The following TMEM230 variants were observed in gnomAD, a reference collection of about 807,000 sequenced individuals.
The protein encoded by TMEM230 is UPF0414 transmembrane protein C20orf30.
A neutral mutation model predicts 15.8 loss-of-function variants in TMEM230; 10 were observed. The observed-to-expected ratio is 0.63, with a 90% CI of 0.39 to 1.07. The LOEUF (loss-of-function observed/expected upper bound fraction) is 1.07, where lower values mean the gene tolerates loss of function less well. Ranked by LOEUF, TMEM230 falls within the 50% of genes least tolerant of loss-of-function variation. TMEM230 has a pLI of 0.01. For synonymous variants in TMEM230, 67 were observed against 76.9 expected (o/e 0.87, Z 0.68); for missense variants, 165 against 193.3 (o/e 0.85, Z 0.87).
intron 3 of TMEM230, among the ~76,000 whole-genome samples, chr20:5,080,513 A>G (rs565031099): frequency 6.6e-6 from 1 of 152,128 alleles, no homozygotes; most frequent in Non-Finnish European, 1.5e-5. Context: ...ATGACACAGC[A>G]GAATGTAGAA....
At chr20:5,104,665 A>G (rs913537151) in intron 4 of TMEM230, among the ~76,000 whole-genome samples, 4 of 152,228 alleles carry the variant, frequency 2.6e-5, no homozygotes, top group African/African-American at 9.6e-5. Context: ...TATGGTACAT[A>G]TATGCAATGG....
chr20:5,111,869 C>T (rs931626972), intron 1 of TMEM230: 2 of 814,010 alleles, frequency 2.5e-6, no homozygotes. Context: ...TTTTTTGAGA[C>T]GGAGTCTCGC....
intron 3 of TMEM230, 60 bp from the exon 3 acceptor site, chr20:5,106,370 C>T: frequency 6.6e-7 from 1 of 1,524,910 alleles, no homozygotes; most frequent in African/African-American, 1.4e-5. Context: ...TACCTGGGTT[C>T]AAACATTTAA....
At chr20:5,084,675 A>G (rs544733709) in intron 3 of TMEM230, among the ~76,000 whole-genome samples, 11 of 152,324 alleles carry the variant, frequency 7.2e-5, no homozygotes, top group African/African-American at 2.4e-4. Context: ...CTGGAACTAC[A>G]GGCGTGTGCC....
chr20:5,107,739 A>C (rs2090151664), intron 3 of TMEM230, among the ~76,000 whole-genome samples: 1 of 151,666 alleles, frequency 6.6e-6, no homozygotes, highest in South Asian at 2.1e-4. Flanking sequence ...ACTTGAGCCC[A>C]GAAGGTCAAG....
chr20:5,082,234 TTCTCTCTCTC>T (rs59648052), intron 3 of TMEM230, among the ~76,000 whole-genome samples: 70,424 of 148,862 alleles, frequency 0.47, 17,869 homozygotes, highest in East Asian at 0.84. Context: ...CTCTCTCTCT[TTCTCTCTCTC>T]TCTCTCTCTT....
At chr20:5,098,443 G>A (rs1292571679), downstream of TMEM230, 1 of 152,192 alleles carries the variant, frequency 6.6e-6, no homozygotes, top group Non-Finnish European at 1.5e-5. Context: ...GATCAGATGA[G>A]GTCGGGAGCA....
At chr20:5,094,540 C>CTACT (rs1177400786) in intron 3 of TMEM230, among the ~76,000 whole-genome samples, 4 of 151,542 alleles carry the variant, frequency 2.6e-5, no homozygotes, top group Non-Finnish European at 4.4e-5. Context: ...AACCCCATCT[C>CTACT]TACTAAAAAT....
chr20:5,064,381 A>C (rs762406149), downstream of TMEM230, among the ~76,000 whole-genome samples: 52 of 152,052 alleles, frequency 3.4e-4, no homozygotes, highest in Non-Finnish European at 4.6e-4. Flanking sequence ...GTTCAAGACC[A>C]GCCTGACCAA....
intron 4 of TMEM230, 107 bp from the exon 4 acceptor site, chr20:5,101,038 T>C (rs1448659172): frequency 1.4e-5 from 19 of 1,331,534 alleles, no homozygotes; most frequent in Non-Finnish European, 1.8e-5. Flanking sequence ...TCTTCAGTAC[T>C]TTTTCTTTGA....
At chr20:5,108,421 A>C (rs79554457) in intron 3 of TMEM230, among the ~76,000 whole-genome samples, 1 of 92,638 alleles carries the variant, frequency 1.1e-5, no homozygotes, top group African/African-American at 8.9e-5. Flanking sequence ...CTCCGTCTCC[A>C]AAAAAAAAAA....
chr20:5,105,115 T>C lies in TMEM230; in HGVS notation c.411+1073A>G, dbSNP rs148487923. 1.8e-3 allele frequency among the ~76,000 whole-genome samples: 270 copies of C among 152,144 alleles called. 1 individual carries two copies. The highest frequency in any genetic ancestry group is 6.3e-3 in the African/African-American group (263 of 41,526). ...GCCTGGCCAACATGGCAAAAACCCA[T>C]CTCTACTAAAAATACAAAAATAAGC... On this transcript the variant is annotated intron_variant, in intron 4 of 4. Coordinates refer to ENST00000342308, the MANE Select transcript of TMEM230 (RefSeq NM_001009923.2).
downstream of TMEM230, among the ~76,000 whole-genome samples, chr20:5,066,598 G>A (rs147338506): frequency 0.016 from 2,474 of 151,850 alleles, 32 homozygotes; most frequent in Non-Finnish European, 0.026. Context: ...CTTGAACCCG[G>A]GGGGCAGAGG....
intron 3 of TMEM230, among the ~76,000 whole-genome samples, chr20:5,088,087 T>C (rs531966118): frequency 1.0e-4 from 15 of 149,624 alleles, no homozygotes; most frequent in African/African-American, 3.2e-4. Context: ...GGTGGGCGGA[T>C]TGCCTGAGGT....
intron 3 of TMEM230, among the ~76,000 whole-genome samples, chr20:5,073,315 A>C (rs1421346909): frequency 6.6e-6 from 1 of 152,232 alleles, no homozygotes; most frequent in African/African-American, 2.4e-5. Flanking sequence ...TGGGGCACAC[A>C]AAGACAATGA....
chr20:5,103,252 A>G (rs2089942801), intron 4 of TMEM230, among the ~76,000 whole-genome samples: 1 of 152,016 alleles, frequency 6.6e-6, no homozygotes, highest in Non-Finnish European at 1.5e-5. Flanking sequence ...GCTTGAGCCT[A>G]GGAGTTTAAG....
At chr20:5,112,594 A>T in intron 1 of TMEM230, 1 of 819,104 alleles carries the variant, frequency 1.2e-6, no homozygotes, top group Non-Finnish European at 1.6e-6. Context: ...TCAAAGTATC[A>T]GTCTTCGTTG....
At chr20:5,112,840 G>T in intron 1 of TMEM230, 121 bp downstream of exon 1, 1 of 1,540,140 alleles carries the variant, frequency 6.5e-7, no homozygotes. Context: ...AACTGTGCCA[G>T]GGGGGACGAA....
In TMEM230 at chr20:5,112,793, A is replaced by T. The variant is rs941420895; in HGVS notation, c.68+168T>A. 3 of 1,497,958 alleles carry T rather than the reference A, an allele frequency of 2.0e-6. No homozygotes were observed. In the African/African-American group the frequency reaches 4.2e-5, roughly 21 times the overall value. 92.8% of individuals were successfully genotyped at this position (1,497,958 alleles called of 1,614,324 possible). On this transcript the variant is annotated intron_variant, in intron 1 of 4. Coordinates refer to ENST00000342308, the MANE Select transcript of TMEM230 (RefSeq NM_001009923.2). Reference sequence around the variant, plus strand: ...GAAATAAGAACCGACGCGAATTTAGACGTAAAACAAACAAAACGGGCTTCT... The same window carrying T: ...GAAATAAGAACCGACGCGAATTTAGTCGTAAAACAAACAAAACGGGCTTCT...
Sources: gnomAD v4.1 joint callset for allele counts (sites outside exome capture counted in the v4.1 genomes callset) on GRCh38, gnomAD v4.1.1 for gene constraint, MANE v1.5 for transcripts, NCBI Gene and HGNC (gene_info 2026-07-23, HGNC 2026-07-21) for gene names.